Variants in DOCK5 observed in about 807,000 individuals in gnomAD.
The protein encoded by DOCK5 is dedicator of cytokinesis 5.
DOCK5 carries 142 observed loss-of-function variants against 251.8 expected under a neutral mutation model. The ratio of observed to expected loss-of-function variants is 0.56; its 90% CI spans 0.49 to 0.65. The LOEUF is 0.65. Among genes scored for constraint, DOCK5 ranks in the 30% least tolerant of loss-of-function variants. DOCK5 has a pLI of 0.00. For missense variants in DOCK5, 2,111 were observed against 2,312.3 expected, an observed-to-expected ratio of 0.91 and a Z score of 1.79; for synonymous variants, 842 against 835.5, an observed-to-expected ratio of 1.01 and a Z score of -0.13.
rs770026065 is a variant in DOCK5, at chr8:25,394,577, G to A, written c.4528-966G>A. ...TCTTTTCATGGAGGAAGCATCAAAC[G>A]TTTTGCCAGTGGACATTCTTGGTGG... On this transcript the variant is annotated intron_variant, in intron 44 of 51. Coordinates refer to ENST00000276440, the MANE Select transcript of DOCK5 (RefSeq NM_024940.8). Among the ~76,000 whole-genome samples, 106 of 152,060 alleles carry A rather than the reference G, an allele frequency of 7.0e-4. 1 individual carries two copies. The highest frequency in any genetic ancestry group is 1.2e-3 in the Admixed American group (19 of 15,262).
intron 24 of DOCK5, among the ~76,000 whole-genome samples, 179 bp from the exon 25 acceptor site, chr8:25,342,222 C>G (rs1257436255): frequency 1.3e-5 from 2 of 152,110 alleles, no homozygotes; most frequent in Admixed American, 1.3e-4. Context: ...AAGGCAGAGC[C>G]CTCCAGTAAG....
intron 1 of DOCK5, among the ~76,000 whole-genome samples, chr8:25,223,420 T>A (rs1156399682): frequency 1.3e-5 from 2 of 152,222 alleles, no homozygotes; most frequent in African/African-American, 2.4e-5. Context: ...GGTTAAGTGA[T>A]CCTTCTACCT....
At position 25,210,030 on chromosome 8, in the gene DOCK5, ATAT is replaced by A. The variant is rs1563309066; in HGVS notation, c.43+25080_43+25082del. 1.7e-3 allele frequency among the ~76,000 whole-genome samples: 39 copies of A among 23,518 alleles called. 11 individuals carry two copies. Among genetic ancestry groups the A allele is most frequent in the African/African-American group, 4.0e-3 (39 of 9,816 alleles). The allele number at this position is 23,518 out of a possible 152,430, so 15.4% of individuals were successfully genotyped here. ...TAATTATATATATATATATATATAT[ATAT>A]AAATGTGTGTGTGTGTGTGTGTGTG... On this transcript the variant is annotated intron_variant, in intron 1 of 51. Coordinates refer to ENST00000276440, the MANE Select transcript of DOCK5 (RefSeq NM_024940.8).
At chr8:25,271,906 G>A (rs925040912) in intron 3 of DOCK5, among the ~76,000 whole-genome samples, 1 of 152,096 alleles carries the variant, frequency 6.6e-6, no homozygotes, top group Non-Finnish European at 1.5e-5. Flanking sequence ...ACTGTAAATG[G>A]CCAAGTGTCA....
intron 29 of DOCK5, 134 bp downstream of exon 29, chr8:25,363,275 G>T: frequency 1.4e-6 from 1 of 728,658 alleles, no homozygotes; most frequent in Non-Finnish European, 2.3e-6. Context: ...CTGCTCCAGA[G>T]GTCCTAATTT....
rs768183204 is a variant in DOCK5 at position 25,278,662 on chromosome 8, C to T, written c.318C>T (p.Tyr106=). Residue 106 remains tyrosine, a synonymous_variant, in exon 5 of 52, where the codon TAC becomes TAT. Transcript: ENST00000276440. The stretch of plus-strand genomic sequence containing the variant: ...GGGCTGTCATCTGGCGAAAGCTCTA[C>T]GTGGTGAGTTTCCCCTTGTGGCTTG... ...REWAVIWRKL[Y]VNNKLTLFRQ... 35 of 1,613,758 alleles carry T rather than the reference C, an allele frequency of 2.2e-5. No homozygotes were observed. Among genetic ancestry groups the T allele is most frequent in the South Asian group, 8.8e-5 (8 of 91,008 alleles).
chr8:25,306,895 G>A (rs185286338), intron 11 of DOCK5, among the ~76,000 whole-genome samples: 41 of 152,118 alleles, frequency 2.7e-4, no homozygotes, highest in Admixed American at 9.8e-4. Context: ...ACACAAACCC[G>A]GAATATATAG....
At chr8:25,266,997 G>A (rs899950089) in intron 2 of DOCK5, among the ~76,000 whole-genome samples, 1 of 152,144 alleles carries the variant, frequency 6.6e-6, no homozygotes. Flanking sequence ...GGCACAGAAC[G>A]ATGAAAACTG....
chr8:25,222,076 T>G (rs1019587506), intron 1 of DOCK5, among the ~76,000 whole-genome samples: 3 of 152,182 alleles, frequency 2.0e-5, no homozygotes, highest in Non-Finnish European at 4.4e-5. Flanking sequence ...TTTTGCTGTT[T>G]AGGACACTCT....
chr8:25,298,899 A>G (rs762528488), intron 7 of DOCK5, 45 bp from the exon 8 acceptor site: 18 of 1,552,350 alleles, frequency 1.2e-5, no homozygotes, highest in African/African-American at 1.4e-5. Context: ...AACATTTCCC[A>G]TTTGCCAAAA....
intron 48 of DOCK5, among the ~76,000 whole-genome samples, chr8:25,403,958 T>A (rs999185017): frequency 6.6e-6 from 1 of 152,172 alleles, no homozygotes; most frequent in Non-Finnish European, 1.5e-5. Flanking sequence ...CATTACCTAT[T>A]TTTTTCATCA....
chr8:25,227,290 T>C (rs1004053517), intron 1 of DOCK5, among the ~76,000 whole-genome samples: 1 of 152,082 alleles, frequency 6.6e-6, no homozygotes, highest in Non-Finnish European at 1.5e-5. Flanking sequence ...TTCAAACATA[T>C]AGTTAGGAAG....
chr8:25,350,836 C>T (rs1241595811), intron 26 of DOCK5, among the ~76,000 whole-genome samples: 1 of 152,138 alleles, frequency 6.6e-6, no homozygotes, highest in Non-Finnish European at 1.5e-5. Context: ...ATCTAACCTT[C>T]ATTACATCTC....
intron 7 of DOCK5, 103 bp from the exon 8 acceptor site, chr8:25,298,841 C>T (rs559290894): frequency 3.8e-5 from 50 of 1,312,188 alleles, no homozygotes; most frequent in Non-Finnish European, 5.1e-5. Context: ...TGTGCCCAGG[C>T]TTTGTCTGCC....
chr8:25,191,165 T>TG (rs112862195), intron 1 of DOCK5, among the ~76,000 whole-genome samples: 11,201 of 151,682 alleles, frequency 0.074, 583 homozygotes, highest in African/African-American at 0.14. Flanking sequence ...ACGTTCAGAA[T>TG]GGGGGGGGTC....
chr8:25,407,218 G>A (rs1204456838), intron 48 of DOCK5, among the ~76,000 whole-genome samples: 1 of 151,872 alleles, frequency 6.6e-6, no homozygotes, highest in African/African-American at 2.4e-5. Context: ...CTAGAATGTA[G>A]TAATCTAGAT....
chr8:25,320,880 G>T, intron 15 of DOCK5, 100 bp from the exon 16 acceptor site: 2 of 983,986 alleles, frequency 2.0e-6, no homozygotes, highest in Non-Finnish European at 1.6e-6. Flanking sequence ...CTAGTAATTT[G>T]TGCTGTGGAA....
At chr8:25,392,939 C>A in intron 44 of DOCK5, 57 bp downstream of exon 44, 2 of 1,429,052 alleles carry the variant, frequency 1.4e-6, no homozygotes, top group Non-Finnish European at 1.9e-6. Flanking sequence ...AATATAATAA[C>A]AGCCTTTGTT....
At chr8:25,197,270 C>T (rs1039635031) in intron 1 of DOCK5, among the ~76,000 whole-genome samples, 1 of 152,134 alleles carries the variant, frequency 6.6e-6, no homozygotes, top group Non-Finnish European at 1.5e-5. Context: ...TGGATGAGCA[C>T]GTTAATTGTG....
Sources: allele counts gnomAD v4.1 joint callset (sites outside exome capture counted in the v4.1 genomes callset), GRCh38; gene constraint gnomAD v4.1.1; transcripts MANE v1.5; gene names NCBI Gene and HGNC (gene_info 2026-07-23, HGNC 2026-07-21).